Variants in GRK5 observed in about 807,000 individuals in gnomAD.
GRK5 encodes the protein G protein-coupled receptor kinase 5, also known as g protein-coupled receptor kinase GRK5.
In GRK5, 40 loss-of-function variants were observed where a neutral mutation model predicts 78.4. That is an observed-to-expected ratio of 0.51 (90% CI 0.40 to 0.66). The LOEUF (loss-of-function observed/expected upper bound fraction) is 0.66, where lower values mean the gene tolerates loss of function less well. Ranked by LOEUF, GRK5 falls within the 30% of genes least tolerant of loss-of-function variation. The probability of loss-of-function intolerance (pLI) is 0.00; values close to 1 mark genes in which losing one functional copy is unlikely to be tolerated. For synonymous variants in GRK5, 289 were observed against 296.8 expected (o/e 0.97, Z 0.27); for missense variants, 598 against 759.9 (o/e 0.79, Z 2.50).
chr10:119,432,361 T>C (rs1852837025), intron 8 of GRK5, among the ~76,000 whole-genome samples: 1 of 152,144 alleles, frequency 6.6e-6, no homozygotes, highest in Admixed American at 6.6e-5. Flanking sequence ...GGCAGGAGGA[T>C]TGCTTGAACC....
intron 1 of GRK5, among the ~76,000 whole-genome samples, chr10:119,324,931 C>T (rs1252055524): frequency 6.6e-6 from 1 of 152,252 alleles, no homozygotes; most frequent in Non-Finnish European, 1.5e-5. Context: ...TCCTTCTGTC[C>T]CTCGGAGTGT....
At chr10:119,246,038 AAAAAAAAG>A (rs1333820307) in intron 1 of GRK5, among the ~76,000 whole-genome samples, 2,481 of 145,242 alleles carry the variant, frequency 0.017, 137 homozygotes, top group African/African-American at 0.066. Context: ...AAAAAAAAAA[AAAAAAAAG>A]AAAAAAAGAT....
At chr10:119,256,782 T>C (rs1453379676) in intron 1 of GRK5, among the ~76,000 whole-genome samples, 1 of 152,214 alleles carries the variant, frequency 6.6e-6, no homozygotes, top group Non-Finnish European at 1.5e-5. Context: ...AATTTAATAG[T>C]CTTTGTACAT....
chr10:119,277,999 G>A (rs1012366422), intron 1 of GRK5, among the ~76,000 whole-genome samples: 53 of 152,168 alleles, frequency 3.5e-4, no homozygotes, highest in Non-Finnish European at 5.1e-4. Context: ...AACTGTTTGC[G>A]CAGGTGGGTT....
intron 1 of GRK5, among the ~76,000 whole-genome samples, chr10:119,241,126 G>A (rs1020029457): frequency 6.6e-6 from 1 of 152,182 alleles, no homozygotes; most frequent in East Asian, 1.9e-4. Flanking sequence ...CGTGCTTCCT[G>A]GTGGACTGAC....
intron 2 of GRK5, among the ~76,000 whole-genome samples, chr10:119,329,413 T>A (rs1007027490): frequency 2.0e-5 from 3 of 152,268 alleles, no homozygotes; most frequent in African/African-American, 7.2e-5. Context: ...CCTCGAGCCA[T>A]GAGGGACGAC....
At chr10:119,320,864 G>T (rs775272238) in intron 1 of GRK5, among the ~76,000 whole-genome samples, 1 of 152,228 alleles carries the variant, frequency 6.6e-6, no homozygotes, top group African/African-American at 2.4e-5. Flanking sequence ...CCAGCCCCTT[G>T]TAGGCCTAAC....
At chr10:119,444,139 C>T (rs1001546615) in intron 12 of GRK5, among the ~76,000 whole-genome samples, 24 of 152,158 alleles carry the variant, frequency 1.6e-4, no homozygotes, top group Non-Finnish European at 4.4e-5. Flanking sequence ...CTCCTGCTCC[C>T]TCCACCTCTG....
At chr10:119,432,035 C>T (rs756916990) in intron 8 of GRK5, among the ~76,000 whole-genome samples, 1 of 152,230 alleles carries the variant, frequency 6.6e-6, no homozygotes, top group South Asian at 2.1e-4. Context: ...TCATCTGTCA[C>T]TCACCTGAAG....
intron 4 of GRK5, among the ~76,000 whole-genome samples, chr10:119,417,378 G>C (rs1852478639): frequency 6.6e-6 from 1 of 152,234 alleles, no homozygotes; most frequent in Non-Finnish European, 1.5e-5. Context: ...AAGCACAGAT[G>C]GCGCCTGTGA....
In GRK5 at chr10:119,431,671, G is replaced by A; in HGVS notation, c.738+144G>A. On this transcript the variant is annotated intron_variant, in intron 8 of 15. Coordinates refer to ENST00000392870, the MANE Select transcript of GRK5 (RefSeq NM_005308.3). The surrounding 1 kb of genome is among the most constrained non-coding windows in gnomAD (Gnocchi z 4.8). Reference sequence around the variant, plus strand: ...CAGTGGCAGCGCTGAGCTACAGAAAGGCCGCAAGACATTCCTCCATCACAC... The same window carrying A: ...CAGTGGCAGCGCTGAGCTACAGAAAAGCCGCAAGACATTCCTCCATCACAC... 9.9e-7 allele frequency: 1 copy of A among 1,007,948 alleles called. No individual in the cohort carries two copies. The allele number at this position is 1,007,948 out of a possible 1,614,324, so 62.4% of individuals were successfully genotyped here.
intron 1 of GRK5, among the ~76,000 whole-genome samples, chr10:119,313,019 A>ATGGTGGTGGTAATGGTGGTGCTGGTGGCT (rs1850396072): frequency 1.3e-3 from 16 of 12,448 alleles, no homozygotes; most frequent in Admixed American, 2.7e-3. Context: ...CGGTGATGGT[A>ATGGTGGTGGTAATGGTGGTGCTGGTGGCT]GTGGTAATGG....
intron 1 of GRK5, among the ~76,000 whole-genome samples, chr10:119,225,161 G>C (rs1358432844): frequency 6.6e-6 from 1 of 152,180 alleles, no homozygotes; most frequent in Non-Finnish European, 1.5e-5. Context: ...ATCCAAGAAA[G>C]GCAAATGCAT....
intron 3 of GRK5, 21 bp from the exon 4 acceptor site, chr10:119,396,674 T>C (rs756985293): frequency 1.9e-6 from 3 of 1,591,548 alleles, no homozygotes; most frequent in Admixed American, 3.3e-5. Flanking sequence ...GTTATTGTTC[T>C]TTTTTCTCCT....
At chr10:119,436,515 A>G (rs1589809518) in intron 8 of GRK5, 136 bp from the exon 9 acceptor site, 5 of 807,576 alleles carry the variant, frequency 6.2e-6, no homozygotes, top group Admixed American at 4.6e-5. Context: ...GTCACCGCAG[A>G]GGCCATCTGG....
chr10:119,270,829 T>C (rs991558695), intron 1 of GRK5, among the ~76,000 whole-genome samples: 2 of 152,228 alleles, frequency 1.3e-5, no homozygotes, highest in African/African-American at 2.4e-5. Flanking sequence ...CAAACTGCAG[T>C]GTGCTTGGCA....
chr10:119,249,232 T>C (rs533113847), intron 1 of GRK5, among the ~76,000 whole-genome samples: 98 of 151,922 alleles, frequency 6.5e-4, no homozygotes, highest in African/African-American at 2.4e-3. Flanking sequence ...GATCGTGCCA[T>C]TGTGCTCCAG....
chr10:119,292,384 T>G (rs1434299244), intron 1 of GRK5, among the ~76,000 whole-genome samples: 1 of 152,070 alleles, frequency 6.6e-6, no homozygotes, highest in Non-Finnish European at 1.5e-5. Context: ...TGCCTCGGCT[T>G]CACAGGGATA....
chr10:119,215,228 G>A (rs1462413425), intron 1 of GRK5, among the ~76,000 whole-genome samples: 1 of 152,190 alleles, frequency 6.6e-6, no homozygotes, highest in Non-Finnish European at 1.5e-5. Flanking sequence ...CATGTCTAGT[G>A]CTCAGTAGCC....
Sources: allele counts gnomAD v4.1 joint callset (sites outside exome capture counted in the v4.1 genomes callset), GRCh38; gene constraint gnomAD v4.1.1; non-coding constraint Gnocchi (gnomAD v3.1); transcripts MANE v1.5; gene names NCBI Gene and HGNC (gene_info 2026-07-23, HGNC 2026-07-21).